Variants in PTER observed in about 807,000 individuals in gnomAD.
PTER encodes N-acetyltaurine hydrolase.
A neutral mutation model predicts 29.6 loss-of-function variants in PTER; 38 were observed. That is an observed-to-expected ratio of 1.28 (90% CI 0.99 to 1.68). The LOEUF (loss-of-function observed/expected upper bound fraction) is 1.68. Among genes scored for constraint, PTER ranks in the 40% most tolerant of loss-of-function variants. The pLI is 0.00. For missense variants in PTER, 482 were observed against 427.8 expected, an observed-to-expected ratio of 1.13 and a Z score of -1.12; for synonymous variants, 172 against 154.5, an observed-to-expected ratio of 1.11 and a Z score of -0.84.
At chr10:16,510,917 T>C in intron 4 of PTER, 129 bp from the exon 5 acceptor site, 1 of 727,786 alleles carries the variant, frequency 1.4e-6, no homozygotes, top group Non-Finnish European at 2.3e-6. Flanking sequence ...GGTCTCTCAG[T>C]ACACACGCCA....
At position 16,511,388 on chromosome 10, in the gene PTER, G is replaced by A. The variant is rs1439398780; in HGVS notation, c.*132G>A. 2.3e-6 allele frequency: 2 copies of A among 854,684 alleles called. No homozygotes were observed. Among genetic ancestry groups the A allele is most frequent in the African/African-American group, 3.4e-5 (2 of 59,504 alleles). The allele number at this position is 854,684 out of a possible 1,614,324, so 52.9% of individuals were successfully genotyped here. On this transcript the variant is annotated 3_prime_UTR_variant, in exon 5 of 5. Coordinates refer to ENST00000535784, the MANE Select transcript of PTER (RefSeq NM_001261836.2). ...ATCATTTCCTTCTGATGAGAACTAG[G>A]AGGGTTTGCCTTCTCTGAGACCAGC...
chr10:16,516,621 CT>C (rs1390180971), downstream of PTER, among the ~76,000 whole-genome samples: 1 of 152,052 alleles, frequency 6.6e-6, no homozygotes, highest in African/African-American at 2.4e-5. Context: ...ACATGGTTTT[CT>C]ACATGAAGGT....
At chr10:16,477,597 G>T (rs1835327281) in intron 1 of PTER, among the ~76,000 whole-genome samples, 2 of 152,160 alleles carry the variant, frequency 1.3e-5, no homozygotes, top group South Asian at 4.1e-4. Context: ...GATGCCATCT[G>T]GAAGTTATCT....
At chr10:16,450,012 A>C (rs949647474) in intron 1 of PTER, among the ~76,000 whole-genome samples, 2 of 152,222 alleles carry the variant, frequency 1.3e-5, no homozygotes, top group Non-Finnish European at 2.9e-5. Context: ...TAGTGGGCCC[A>C]AATCAGTAAG....
At chr10:16,461,007 G>A (rs1056491227) in intron 1 of PTER, among the ~76,000 whole-genome samples, 6 of 152,220 alleles carry the variant, frequency 3.9e-5, no homozygotes, top group South Asian at 2.1e-4. Context: ...ATGAGCCACC[G>A]CACCTGGCCA....
At chr10:16,450,861 T>C (rs1052015059) in intron 1 of PTER, among the ~76,000 whole-genome samples, 2 of 152,198 alleles carry the variant, frequency 1.3e-5, no homozygotes, top group Non-Finnish European at 1.5e-5. Context: ...CCCTTGCCCC[T>C]CATGAGTGGT....
At chr10:16,442,341 T>G (rs1833878233) in intron 1 of PTER, among the ~76,000 whole-genome samples, 1 of 152,246 alleles carries the variant, frequency 6.6e-6, no homozygotes, top group Non-Finnish European at 1.5e-5. Context: ...AAAGGTTAGA[T>G]GTTATCAGTC....
chr10:16,511,070 C>A lies in PTER; in HGVS notation c.864C>A (p.Gly288=). 6.2e-7 allele frequency: 1 copy of A among 1,613,628 alleles called. No individual in the cohort carries two copies. Among genetic ancestry groups the A allele is most frequent in the Non-Finnish European group, 8.5e-7 (1 of 1,179,790 alleles). Residue 288 remains glycine, a synonymous_variant, in exon 5 of 5, where the codon GGC becomes GGA. Transcript: ENST00000535784. ...IRRVRLLVEE[G]CEDRILVAHD... ...GGGTGCGTCTCCTGGTGGAAGAGGG[C>A]TGTGAAGATCGAATTCTGGTAGCAC...
rs777642733 is a variant in PTER, at chr10:16,511,252, A to G, written c.1046A>G (p.Lys349Arg). The change falls in exon 5 of 5, where the codon AAA (lysine) becomes AGA (arginine). Residue 349 changes from lysine (K) to arginine (R), a missense_variant. By Grantham distance (26) the Lys-to-Arg change is conservative (BLOSUM62 2). Transcript: ENST00000535784. ...IENPKQWLTFK is the reference protein window; with the variant it reads ...IENPKQWLTFR ...AACCCTAAGCAATGGCTAACTTTCA[A>G]ATAGGATGGTTGCTTATGAATTCAC... 4.3e-6 allele frequency: 7 copies of G among 1,612,942 alleles called. No homozygotes were observed. Among genetic ancestry groups the G allele is most frequent in the East Asian group, 2.2e-5 (1 of 44,872 alleles).
chr10:16,472,473 G>C (rs1436331284), intron 1 of PTER, among the ~76,000 whole-genome samples: 5 of 152,040 alleles, frequency 3.3e-5, no homozygotes, highest in Non-Finnish European at 7.4e-5. Context: ...TTTATAAATG[G>C]GAGTTCCCCT....
rs141093151 is a variant in PTER at position 16,511,963 on chromosome 10, A to G, written c.*707A>G. The G allele has an allele frequency of 9.2e-5, 14 of 152,726 alleles. 1 individual carries two copies. In the East Asian group the frequency reaches 2.7e-3, roughly 29 times the overall value. 9.5% of individuals were successfully genotyped at this position (152,726 alleles called of 1,614,324 possible). A position where few individuals can be genotyped will look rare whatever the true frequency, so the allele number is the denominator to read the frequency against. On this transcript the variant is annotated 3_prime_UTR_variant, in exon 5 of 5. Coordinates refer to ENST00000535784, the MANE Select transcript of PTER (RefSeq NM_001261836.2). Reference sequence around the variant, plus strand: ...AACACTACTGAATTATAAAAATTCAATCATAAAAGTCAAAATATATTACAT... The same window carrying G: ...AACACTACTGAATTATAAAAATTCAGTCATAAAAGTCAAAATATATTACAT...
intron 1 of PTER, among the ~76,000 whole-genome samples, chr10:16,450,806 G>T (rs1217962306): frequency 6.6e-6 from 1 of 152,048 alleles, no homozygotes; most frequent in East Asian, 1.9e-4. Flanking sequence ...GTATTCCTTG[G>T]TTCTCCACAT....
chr10:16,506,679 G>A (rs925299954), intron 4 of PTER, among the ~76,000 whole-genome samples: 1 of 152,054 alleles, frequency 6.6e-6, no homozygotes, highest in Admixed American at 6.5e-5. Context: ...AATGCAAACA[G>A]AAGTCTTAGT....
At chr10:16,501,875 G>A (rs1165912776) in intron 3 of PTER, among the ~76,000 whole-genome samples, 1 of 152,186 alleles carries the variant, frequency 6.6e-6, no homozygotes, top group African/African-American at 2.4e-5. Context: ...GAGAGCTGCT[G>A]GGATCATGGA....
At chr10:16,440,559 A>G in intron 1 of PTER, among the ~76,000 whole-genome samples, 1 of 152,186 alleles carries the variant, frequency 6.6e-6, no homozygotes, top group East Asian at 1.9e-4. Context: ...AATGTTAGCC[A>G]TTTCCCTGTC....
chr10:16,511,519 T>G lies in PTER; in HGVS notation c.*263T>G. 1 of 444,078 alleles carries G rather than the reference T, an allele frequency of 2.3e-6. No individual in the cohort carries two copies. The highest frequency in any genetic ancestry group is 3.7e-5 in the East Asian group (1 of 26,914). The allele number at this position is 444,078 out of a possible 1,614,324, so 27.5% of individuals were successfully genotyped here. A position where few individuals can be genotyped will look rare whatever the true frequency, so the allele number is the denominator to read the frequency against. On this transcript the variant is annotated 3_prime_UTR_variant, in exon 5 of 5. Transcript: ENST00000535784. ...CCTATTTCTAAACAATGATTTAAAG[T>G]CTATATCCCCTAAGCGGAGTTGTTG...
At chr10:16,510,198 T>C (rs1836758530) in intron 4 of PTER, among the ~76,000 whole-genome samples, 1 of 151,892 alleles carries the variant, frequency 6.6e-6, no homozygotes, top group African/African-American at 2.4e-5. Flanking sequence ...CTGCCCAGAG[T>C]CCAGACACGT....
At chr10:16,457,047 C>T (rs1834428175) in intron 1 of PTER, among the ~76,000 whole-genome samples, 1 of 152,112 alleles carries the variant, frequency 6.6e-6, no homozygotes, top group South Asian at 2.1e-4. Flanking sequence ...ATAAATTACC[C>T]AGTCTCGGTT....
intron 1 of PTER, among the ~76,000 whole-genome samples, chr10:16,454,453 G>A (rs529557611): frequency 2.0e-5 from 3 of 152,042 alleles, no homozygotes; most frequent in Admixed American, 1.3e-4. Flanking sequence ...GTGCACACCT[G>A]TAATCCCAGA....
Sources: allele counts gnomAD v4.1 joint callset (sites outside exome capture counted in the v4.1 genomes callset), GRCh38; gene constraint gnomAD v4.1.1; transcripts MANE v1.5; gene names NCBI Gene and HGNC (gene_info 2026-07-23, HGNC 2026-07-21).